DPYD: variants seen among roughly 807,000 people sequenced by gnomAD.
DPYD encodes dihydropyrimidine dehydrogenase, also known as dihydropyrimidine dehydrogenase [NADP(+)].
DPYD carries 109 observed loss-of-function variants against 116.2 expected under a neutral mutation model. The observed-to-expected ratio is 0.94, with a 90% CI of 0.80 to 1.10. The LOEUF (loss-of-function observed/expected upper bound fraction) is 1.10, where lower values mean the gene tolerates loss of function less well. Among genes scored for constraint, DPYD ranks in the 50% least tolerant of loss-of-function variants. DPYD has a pLI of 0.00. For missense variants in DPYD, 1,302 were observed against 1,254.5 expected, an observed-to-expected ratio of 1.04 and a Z score of -0.57; for synonymous variants, 440 against 432.0, an observed-to-expected ratio of 1.02 and a Z score of -0.23.
intron 2 of DPYD, among the ~76,000 whole-genome samples, chr1:97,859,158 C>T (rs976735477): frequency 6.6e-6 from 1 of 151,902 alleles, no homozygotes; most frequent in Non-Finnish European, 1.5e-5. Flanking sequence ...TTGCCTATTA[C>T]ACAAATAACT....
At chr1:97,161,671 T>C (rs978051481) in intron 20 of DPYD, among the ~76,000 whole-genome samples, 6 of 149,868 alleles carry the variant, frequency 4.0e-5, no homozygotes, top group African/African-American at 1.5e-4. Flanking sequence ...GCTGCACCCA[T>C]TAACTTGTCA....
At chr1:97,377,119 G>A (rs888662555) in intron 15 of DPYD, among the ~76,000 whole-genome samples, 1 of 151,802 alleles carries the variant, frequency 6.6e-6, no homozygotes, top group African/African-American at 2.4e-5. Context: ...TCACAGAGTT[G>A]TTGTTGTAAG....
At chr1:97,669,626 A>C (rs1659749979) in intron 8 of DPYD, among the ~76,000 whole-genome samples, 1 of 152,210 alleles carries the variant, frequency 6.6e-6, no homozygotes. Context: ...TAAGCACTTA[A>C]AGTCAAAAAA....
rs13373839 is a variant in DPYD, at chr1:97,663,076, C to T, written c.850+16019G>A. On this transcript the variant is annotated intron_variant, in intron 8 of 22. Coordinates refer to ENST00000370192, the MANE Select transcript of DPYD (RefSeq NM_000110.4). ...TAACATACTGATTGCATTTAACTAG[C>T]TTCAAGATTCATACTAGCAAATAGC... 7.5e-3 allele frequency among the ~76,000 whole-genome samples: 1,149 copies of T among 152,300 alleles called. 19 individuals are homozygous for T. Among genetic ancestry groups the T allele is most frequent in the African/African-American group, 0.026 (1,080 of 41,560 alleles).
intron 3 of DPYD, among the ~76,000 whole-genome samples, chr1:97,744,782 T>TTA (rs1468030724): frequency 2.0e-5 from 3 of 152,044 alleles, no homozygotes; most frequent in Non-Finnish European, 4.4e-5. Context: ...CATAATTTAA[T>TTA]ATCTTCCTCA....
At chr1:97,834,539 G>T (rs1328879129) in intron 2 of DPYD, among the ~76,000 whole-genome samples, 1 of 151,672 alleles carries the variant, frequency 6.6e-6, no homozygotes, top group African/African-American at 2.4e-5. Context: ...TTATCACAAG[G>T]GAAACCACCA....
chr1:97,649,518 G>C (rs1658463180), intron 8 of DPYD, among the ~76,000 whole-genome samples: 1 of 151,824 alleles, frequency 6.6e-6, no homozygotes. Context: ...ATGATTTTGT[G>C]GTTGGAAATA....
chr1:97,200,550 G>T (rs74601902), intron 19 of DPYD, among the ~76,000 whole-genome samples: 13,634 of 152,144 alleles, frequency 0.09, 797 homozygotes, highest in Middle Eastern at 0.15. Context: ...TCAGGAAAAA[G>T]AAGGTTATAT....
At chr1:97,584,010 A>T (rs1299475126) in intron 10 of DPYD, among the ~76,000 whole-genome samples, 3 of 152,154 alleles carry the variant, frequency 2.0e-5, no homozygotes, top group African/African-American at 7.2e-5. Flanking sequence ...ACAATGGTTG[A>T]ACTAGTTTAC....
At chr1:97,766,919 G>C (rs1308699688) in intron 3 of DPYD, among the ~76,000 whole-genome samples, 32 of 152,182 alleles carry the variant, frequency 2.1e-4, no homozygotes, top group Non-Finnish European at 1.5e-5. Context: ...CCAGGAAAGT[G>C]ATAGACTACG....
At chr1:97,320,020 C>A (rs1267880532) in intron 16 of DPYD, among the ~76,000 whole-genome samples, 4 of 140,102 alleles carry the variant, frequency 2.9e-5, no homozygotes, top group African/African-American at 5.3e-5. Context: ...AGGCCTTTGA[C>A]AAAATTCAAC....
chr1:97,280,875 T>G (rs979746974), intron 18 of DPYD, among the ~76,000 whole-genome samples: 1 of 152,124 alleles, frequency 6.6e-6, no homozygotes, highest in Non-Finnish European at 1.5e-5. Flanking sequence ...TCAAGATACC[T>G]CGAAGATTTT....
chr1:97,149,409 C>T (rs1056271803), intron 20 of DPYD, among the ~76,000 whole-genome samples: 18 of 152,108 alleles, frequency 1.2e-4, no homozygotes, highest in Admixed American at 2.6e-4. Context: ...TGCACTGCCA[C>T]GCCCAGCTAA....
At chr1:97,686,807 A>G (rs1660762149) in intron 7 of DPYD, among the ~76,000 whole-genome samples, 1 of 152,132 alleles carries the variant, frequency 6.6e-6, no homozygotes, top group Admixed American at 6.5e-5. Flanking sequence ...ATGAGATTTA[A>G]TTAAACAAAA....
intron 3 of DPYD, among the ~76,000 whole-genome samples, chr1:97,744,534 TTTAA>T (rs1439477178): frequency 6.6e-6 from 1 of 152,058 alleles, no homozygotes; most frequent in Non-Finnish European, 1.5e-5. Context: ...TAGAGTTTGG[TTTAA>T]TTGAGTCAGC....
At chr1:97,566,118 C>T (rs1048378096) in intron 11 of DPYD, among the ~76,000 whole-genome samples, 2 of 152,168 alleles carry the variant, frequency 1.3e-5, no homozygotes, top group African/African-American at 2.4e-5. Flanking sequence ...TTACAACCCA[C>T]TTCCTCTAGG....
intron 2 of DPYD, among the ~76,000 whole-genome samples, chr1:97,832,045 T>TTGTGTGTGTGTGTGTGTGTG (rs35795641): frequency 1.1e-4 from 15 of 134,014 alleles, no homozygotes; most frequent in South Asian, 5.3e-4. Context: ...ATATAATGTA[T>TTGTGTGTGTGTGTGTGTGTG]TGTGTGTGTG....
intron 4 of DPYD, among the ~76,000 whole-genome samples, chr1:97,731,171 A>C (rs1014878869): frequency 6.6e-6 from 1 of 152,148 alleles, no homozygotes; most frequent in Admixed American, 6.5e-5. Context: ...GTTCTATACA[A>C]AAAAGTCAGA....
At chr1:97,718,252 C>T (rs937726365) in intron 5 of DPYD, among the ~76,000 whole-genome samples, 3 of 151,622 alleles carry the variant, frequency 2.0e-5, no homozygotes, top group Admixed American at 6.6e-5. Flanking sequence ...TTTTTGGTGG[C>T]CATTTGTATA....
Sources: allele counts gnomAD v4.1 joint callset (sites outside exome capture counted in the v4.1 genomes callset), GRCh38; gene constraint gnomAD v4.1.1; transcripts MANE v1.5; gene names NCBI Gene and HGNC (gene_info 2026-07-23, HGNC 2026-07-21).